The following MEGF10 variants were observed in gnomAD, a reference collection of about 807,000 sequenced individuals.
MEGF10 encodes multiple epidermal growth factor-like domains protein 10.
Under a neutral mutation model 147.5 loss-of-function variants are expected in MEGF10, and 86 were observed. The ratio of observed to expected loss-of-function variants is 0.58; its 90% confidence interval spans 0.49 to 0.70. The LOEUF (loss-of-function observed/expected upper bound fraction) is 0.70, where lower values mean the gene tolerates loss of function less well. MEGF10 is among the 30% of genes least tolerant of loss of function. MEGF10 has a pLI of 0.00. For missense variants in MEGF10, 1,329 were observed against 1,487.3 expected (o/e 0.89, Z 1.75); for synonymous variants, 478 against 525.5 (o/e 0.91, Z 1.24).
At chr5:127,313,591 G>A (rs367919493) in intron 1 of MEGF10, among the ~76,000 whole-genome samples, 80 of 152,176 alleles carry the variant, frequency 5.3e-4, no homozygotes, top group Admixed American at 9.2e-4. Context: ...TTGTTTTCTC[G>A]TCTGAAACAA....
intron 2 of MEGF10, among the ~76,000 whole-genome samples, chr5:127,333,802 G>A (rs1761362760): frequency 6.6e-6 from 1 of 152,192 alleles, no homozygotes; most frequent in Non-Finnish European, 1.5e-5. Flanking sequence ...GGGGCATGGA[G>A]AGTGAGAAAG....
At chr5:127,386,947 A>C (rs1362889446) in intron 5 of MEGF10, among the ~76,000 whole-genome samples, 1 of 152,196 alleles carries the variant, frequency 6.6e-6, no homozygotes, top group Admixed American at 6.5e-5. Flanking sequence ...TTTACAACAA[A>C]TAAAGGTTGG....
chr5:127,299,874 C>G (rs1455169714), intron 1 of MEGF10: 3 of 151,968 alleles, frequency 2.0e-5, no homozygotes, highest in Non-Finnish European at 4.4e-5. Flanking sequence ...TGTTCCCTGG[C>G]CAGTAGGAAT....
At chr5:127,374,460 T>G (rs1216197111) in intron 5 of MEGF10, among the ~76,000 whole-genome samples, 3 of 152,246 alleles carry the variant, frequency 2.0e-5, no homozygotes, top group Non-Finnish European at 4.4e-5. Context: ...CATACTCCTT[T>G]GGTTATCCAA....
At chr5:127,240,568 T>C in the MEGF10 span, among the ~76,000 whole-genome samples, 1 of 152,212 alleles carries the variant, frequency 6.6e-6, no homozygotes, top group Admixed American at 6.5e-5. Context: ...TGAATTTTAG[T>C]TCTTAAATTG....
At chr5:127,433,114 C>T (rs1383902426) in intron 13 of MEGF10, among the ~76,000 whole-genome samples, 1 of 152,182 alleles carries the variant, frequency 6.6e-6, no homozygotes, top group Non-Finnish European at 1.5e-5. Flanking sequence ...TTGCCTCCTC[C>T]TGAAGAAGAA....
At chr5:127,237,284 C>T in the MEGF10 span, among the ~76,000 whole-genome samples, 2 of 152,052 alleles carry the variant, frequency 1.3e-5, no homozygotes, top group African/African-American at 2.4e-5. Flanking sequence ...CACGAGGTCA[C>T]GAGTTCAAGA....
intron 5 of MEGF10, among the ~76,000 whole-genome samples, chr5:127,372,510 T>C (rs544505045): frequency 6.6e-6 from 1 of 152,336 alleles, no homozygotes; most frequent in East Asian, 1.9e-4. Context: ...ACTAACGTCC[T>C]CTTTCTCTTC....
the MEGF10 span, among the ~76,000 whole-genome samples, chr5:127,234,120 C>G: frequency 1.3e-5 from 2 of 152,324 alleles, no homozygotes; most frequent in South Asian, 4.1e-4. Context: ...CCAGGATCCT[C>G]CTGTATTTAC....
intron 5 of MEGF10, among the ~76,000 whole-genome samples, chr5:127,373,905 GT>G (rs758953285): frequency 2.0e-5 from 3 of 152,208 alleles, no homozygotes; most frequent in Admixed American, 6.5e-5. Context: ...ATCCAGAGAG[GT>G]GCTGTGGTAC....
intron 4 of MEGF10, among the ~76,000 whole-genome samples, chr5:127,353,033 T>C (rs1451975757): frequency 6.6e-6 from 1 of 152,208 alleles, no homozygotes; most frequent in South Asian, 2.1e-4. Flanking sequence ...ACCTCAACTG[T>C]CTGCAGTTTG....
At chr5:127,441,260 AG>A (rs1460991997) in intron 18 of MEGF10, among the ~76,000 whole-genome samples, 1 of 152,176 alleles carries the variant, frequency 6.6e-6, no homozygotes, top group African/African-American at 2.4e-5. Context: ...GGTGGGGAGG[AG>A]GGCTGGTGGC....
Position 127,331,475 on chromosome 5 carries a change from T to C in MEGF10, c.116+51T>C, listed in dbSNP as rs753351097. On this transcript the variant is annotated intron_variant, in intron 2 of 24. Coordinates refer to ENST00000503335, the MANE Select transcript of MEGF10 (RefSeq NM_001256545.2). ...AAAGAATTGCTGAGAAGTTCCCTTA[T>C]ATACTGTAATTATCAGTCAGATGTA... The C allele has an allele frequency of 7.2e-6, 7 of 978,762 alleles. 1 individual carries two copies. In the South Asian group the frequency reaches 8.5e-5, roughly 12 times the overall value. 60.6% of individuals were successfully genotyped at this position (978,762 alleles called of 1,614,324 possible).
intron 5 of MEGF10, among the ~76,000 whole-genome samples, chr5:127,379,195 C>G (rs940049264): frequency 6.6e-6 from 1 of 151,958 alleles, no homozygotes; most frequent in Non-Finnish European, 1.5e-5. Flanking sequence ...GTCCATGCCA[C>G]GTTCTCTCTA....
chr5:127,425,260 G>A (rs745478170), intron 13 of MEGF10, among the ~76,000 whole-genome samples: 1 of 152,194 alleles, frequency 6.6e-6, no homozygotes, highest in African/African-American at 2.4e-5. Context: ...AAGCTCCTAC[G>A]GGAATGCAGT....
chr5:127,298,160 C>A (rs1034195169), intron 1 of MEGF10, among the ~76,000 whole-genome samples: 3 of 152,134 alleles, frequency 2.0e-5, no homozygotes, highest in African/African-American at 7.2e-5. Context: ...ACAGTTCATC[C>A]TACCATTGCC....
chr5:127,305,461 A>G (rs1407809503), intron 1 of MEGF10, among the ~76,000 whole-genome samples: 1 of 152,134 alleles, frequency 6.6e-6, no homozygotes, highest in Non-Finnish European at 1.5e-5. Context: ...CTTGCACCCA[A>G]GAGATCCTGC....
At chr5:127,358,131 G>A (rs1029944983) in intron 4 of MEGF10, among the ~76,000 whole-genome samples, 10 of 152,132 alleles carry the variant, frequency 6.6e-5, no homozygotes, top group African/African-American at 4.8e-5. Context: ...CTTTCATACC[G>A]AAATGCAAAG....
At chr5:127,266,973 T>G in the MEGF10 span, among the ~76,000 whole-genome samples, 1 of 152,306 alleles carries the variant, frequency 6.6e-6, no homozygotes, top group East Asian at 1.9e-4. Flanking sequence ...ATAGGAGTGG[T>G]GAGAGAGGGC....
Sources: gnomAD v4.1 joint callset for allele counts (sites outside exome capture counted in the v4.1 genomes callset) on GRCh38, gnomAD v4.1.1 for gene constraint, MANE v1.5 for transcripts, NCBI Gene and HGNC (gene_info 2026-07-23, HGNC 2026-07-21) for gene names.